UNC5C: variants seen among roughly 807,000 people sequenced by gnomAD.
The protein encoded by UNC5C is netrin receptor UNC5C.
In UNC5C, 47 loss-of-function variants were observed where a neutral mutation model predicts 99.8. That is an observed-to-expected ratio of 0.47 (90% CI 0.37 to 0.60). The LOEUF (loss-of-function observed/expected upper bound fraction) is 0.60, where lower values mean the gene tolerates loss of function less well. Among genes scored for constraint, UNC5C ranks in the 20% least tolerant of loss-of-function variants. The probability of loss-of-function intolerance (pLI) is 0.00; values close to 1 mark genes in which losing one functional copy is unlikely to be tolerated. For missense variants in UNC5C, 1,062 were observed against 1,165.9 expected (o/e 0.91, Z 1.30); for synonymous variants, 487 against 452.2 (o/e 1.08, Z -0.98).
At chr4:95,462,682 C>T (rs2149471574) in intron 1 of UNC5C, among the ~76,000 whole-genome samples, 1 of 152,314 alleles carries the variant, frequency 6.6e-6, no homozygotes, top group South Asian at 2.1e-4. Flanking sequence ...ACAACCATCA[C>T]TAGCATGTGT....
At position 95,526,353 on chromosome 4, in the gene UNC5C, A is replaced by C. The variant is rs17024125; in HGVS notation, c.124+22381T>G. ...CCCTACCTCTGAGTCACTATAATGC[A>C]CCCAATCTTTCATGCAGCGCTGTAG... On this transcript the variant is annotated intron_variant, in intron 1 of 15. Coordinates refer to ENST00000453304, the MANE Select transcript of UNC5C (RefSeq NM_003728.4). 3.8e-3 allele frequency among the ~76,000 whole-genome samples: 577 copies of C among 152,024 alleles called. 5 individuals are homozygous for C. Among genetic ancestry groups the C allele is most frequent in the African/African-American group, 0.013 (549 of 41,438 alleles).
At chr4:95,413,522 T>C (rs1464324402) in intron 1 of UNC5C, among the ~76,000 whole-genome samples, 1 of 152,134 alleles carries the variant, frequency 6.6e-6, no homozygotes, top group Non-Finnish European at 1.5e-5. Flanking sequence ...GTATGGAGGG[T>C]CTTATTACCT....
chr4:95,238,912 T>C (rs894787580), intron 7 of UNC5C, among the ~76,000 whole-genome samples: 2 of 152,216 alleles, frequency 1.3e-5, no homozygotes, highest in Admixed American at 6.5e-5. Flanking sequence ...TCCAAATCTG[T>C]CTTTTTAACA....
chr4:95,433,103 C>A (rs1215968997), intron 1 of UNC5C, among the ~76,000 whole-genome samples: 1 of 152,094 alleles, frequency 6.6e-6, no homozygotes, highest in Non-Finnish European at 1.5e-5. Context: ...CTCCTTTCTG[C>A]CACACTGACA....
At chr4:95,449,832 A>G (rs1272862188) in intron 1 of UNC5C, among the ~76,000 whole-genome samples, 2 of 152,278 alleles carry the variant, frequency 1.3e-5, no homozygotes, top group East Asian at 1.9e-4. Context: ...TTAGTCTTAC[A>G]TTTTATTGTT....
At chr4:95,428,121 G>C (rs1746536039) in intron 1 of UNC5C, among the ~76,000 whole-genome samples, 1 of 150,074 alleles carries the variant, frequency 6.7e-6, no homozygotes, top group Non-Finnish European at 1.5e-5. Context: ...ATATTCTCAA[G>C]CTTGCTAATT....
intron 10 of UNC5C, among the ~76,000 whole-genome samples, chr4:95,212,841 A>G (rs1042623547): frequency 6.6e-6 from 1 of 152,128 alleles, no homozygotes; most frequent in Non-Finnish European, 1.5e-5. Flanking sequence ...CCAGCTGTGA[A>G]ATACTTTCTC....
intron 2 of UNC5C, among the ~76,000 whole-genome samples, chr4:95,325,338 G>GA (rs1553963574): frequency 6.6e-6 from 1 of 152,032 alleles, no homozygotes; most frequent in African/African-American, 2.4e-5. Flanking sequence ...AAAAGAAAAA[G>GA]GCCAAAATAA....
chr4:95,276,251 C>T (rs1220527985), intron 4 of UNC5C, among the ~76,000 whole-genome samples: 2 of 152,090 alleles, frequency 1.3e-5, no homozygotes, highest in Non-Finnish European at 2.9e-5. Flanking sequence ...TGCTCTTGAG[C>T]ATGTATGTTT....
intron 1 of UNC5C, among the ~76,000 whole-genome samples, chr4:95,394,174 A>T (rs950349934): frequency 3.3e-5 from 5 of 152,008 alleles, no homozygotes; most frequent in Admixed American, 6.6e-5. Flanking sequence ...TTATTTTAAA[A>T]GTTAGCTCAG....
chr4:95,378,992 A>G (rs1456685835), intron 1 of UNC5C, among the ~76,000 whole-genome samples: 1 of 152,190 alleles, frequency 6.6e-6, no homozygotes, highest in Non-Finnish European at 1.5e-5. Flanking sequence ...AGGAAAAATT[A>G]CATATTATTC....
At chr4:95,493,587 C>T (rs1721560497) in intron 1 of UNC5C, among the ~76,000 whole-genome samples, 1 of 151,220 alleles carries the variant, frequency 6.6e-6, no homozygotes, top group African/African-American at 2.4e-5. Flanking sequence ...CTACAAAACA[C>T]ACACTAAGTT....
chr4:95,221,382 C>A (rs1738462313), intron 7 of UNC5C, among the ~76,000 whole-genome samples: 1 of 152,094 alleles, frequency 6.6e-6, no homozygotes, highest in South Asian at 2.1e-4. Context: ...CCCATGACCT[C>A]CTAAAATGTG....
intron 1 of UNC5C, among the ~76,000 whole-genome samples, chr4:95,517,972 G>C (rs554792636): frequency 2.0e-5 from 3 of 152,088 alleles, no homozygotes; most frequent in Non-Finnish European, 1.5e-5. Flanking sequence ...CGTGAGTGAC[G>C]TTAAAACATC....
chr4:95,325,980 G>C (rs1353788635), intron 2 of UNC5C, among the ~76,000 whole-genome samples: 1 of 152,058 alleles, frequency 6.6e-6, no homozygotes, highest in Admixed American at 6.6e-5. Context: ...GTAAAATTTA[G>C]GGAGACACCA....
At chr4:95,515,508 T>C (rs1343078483) in intron 1 of UNC5C, among the ~76,000 whole-genome samples, 1 of 152,222 alleles carries the variant, frequency 6.6e-6, no homozygotes, top group Non-Finnish European at 1.5e-5. Context: ...ACGTATTAGG[T>C]TTTCCTTAGT....
chr4:95,295,194 C>A (rs2149401624), intron 3 of UNC5C, among the ~76,000 whole-genome samples: 1 of 152,302 alleles, frequency 6.6e-6, no homozygotes, highest in Middle Eastern at 3.4e-3. Flanking sequence ...ACTCATCAGC[C>A]TGTAACAAGA....
intron 1 of UNC5C, among the ~76,000 whole-genome samples, chr4:95,354,480 T>TATATATATATATATATATATATATCTA (rs760696053): frequency 9.5e-6 from 1 of 105,658 alleles, no homozygotes; most frequent in African/African-American, 4.1e-5. Context: ...TATATATATA[T>TATATATATATATATATATATATATCTA]TTTTTTTTTT....
At chr4:95,367,238 G>A (rs984881676) in intron 1 of UNC5C, among the ~76,000 whole-genome samples, 2 of 141,368 alleles carry the variant, frequency 1.4e-5, no homozygotes, top group Non-Finnish European at 3.0e-5. Flanking sequence ...GGCAAATCAT[G>A]GCTCACTGCA....
Sources: gnomAD v4.1 joint callset for allele counts (sites outside exome capture counted in the v4.1 genomes callset) on GRCh38, gnomAD v4.1.1 for gene constraint, MANE v1.5 for transcripts, NCBI Gene and HGNC (gene_info 2026-07-23, HGNC 2026-07-21) for gene names.